RPS6KA4: variants seen among roughly 807,000 people sequenced by gnomAD.
RPS6KA4 encodes ribosomal protein S6 kinase alpha-4.
RPS6KA4 carries 38 observed loss-of-function variants against 89.6 expected under a neutral mutation model. The observed-to-expected ratio is 0.42, with a 90% CI of 0.33 to 0.56. The LOEUF (loss-of-function observed/expected upper bound fraction) is 0.56, where lower values mean the gene tolerates loss of function less well. Among genes scored for constraint, RPS6KA4 ranks in the 20% least tolerant of loss-of-function variants. The probability of loss-of-function intolerance (pLI) is 0.07; values close to 1 mark genes in which losing one functional copy is unlikely to be tolerated. For synonymous variants in RPS6KA4, 495 were observed against 492.8 expected (o/e 1.00, Z -0.06); for missense variants, 873 against 1,098.8 (o/e 0.79, Z 2.90).
At chr11:64,371,158 G>T in intron 16 of RPS6KA4, 125 bp from the exon 17 acceptor site, 1 of 814,284 alleles carries the variant, frequency 1.2e-6, no homozygotes, top group Non-Finnish European at 2.0e-6. Flanking sequence ...GGTCGGTCTG[G>T]AGGCCAAGGC....
intron 10 of RPS6KA4, 89 bp from the exon 11 acceptor site, chr11:64,368,379 C>T (rs1378329831): frequency 1.2e-5 from 18 of 1,543,424 alleles, no homozygotes; most frequent in South Asian, 7.1e-5. Flanking sequence ...TCCTAAGCCT[C>T]TCCGACATGG....
Position 64,368,547 on chromosome 11 carries a change from G to T in RPS6KA4, c.1280G>T (p.Arg427Leu). 2 of 1,592,078 alleles carry T rather than the reference G, an allele frequency of 1.3e-6. No homozygotes were observed. Among genetic ancestry groups the T allele is most frequent in the South Asian group, 2.3e-5 (2 of 87,732 alleles). The change falls in exon 11 of 17, where the codon CGC (arginine) becomes CTC (leucine). Residue 427 changes from arginine (R) to leucine (L), a missense_variant. Physicochemically the swap from Arg to Leu is moderately radical, Grantham distance 102 (BLOSUM62 -2). This residue lies in a region of RPS6KA4 where 542 missense variants were observed against 736.4 expected (regional missense o/e 0.74). Coordinates refer to ENST00000334205, the MANE Select transcript of RPS6KA4 (RefSeq NM_003942.3). ...LGQGSFSVCR[R>L]CRQRQSGQEF... ...CAGGGCAGCTTTTCTGTGTGTCGCC[G>T]CTGCCGCCAGCGCCAGAGCGGCCAG... is the stretch of plus-strand genomic sequence containing the variant.
chr11:64,367,697 T>C (rs2036920220), intron 9 of RPS6KA4, among the ~76,000 whole-genome samples: 1 of 152,234 alleles, frequency 6.6e-6, no homozygotes, highest in East Asian at 1.9e-4. Context: ...AACTCTGCCT[T>C]CTTTTTGCAT....
chr11:64,370,634 G>A lies in RPS6KA4; in HGVS notation c.2029G>A (p.Gly677Ser). ...GCGGGGCAGCTCGTGGCTGCAGGACGGCAGCGCGCGCTCCTCGCCCCCGCT... is the reference window on the plus strand; with the variant it reads ...GCGGGGCAGCTCGTGGCTGCAGGACAGCAGCGCGCGCTCCTCGCCCCCGCT... ...GLRGSSWLQDGSARSSPPLRT... is the reference protein window; with the variant it reads ...GLRGSSWLQDSSARSSPPLRT... The change falls in exon 16 of 17, where the codon GGC (glycine) becomes AGC (serine). Residue 677 changes from glycine to serine, a missense_variant. Coordinates refer to ENST00000334205, the MANE Select transcript of RPS6KA4 (RefSeq NM_003942.3). The surrounding 1 kb of genome is among the most constrained non-coding windows in gnomAD (Gnocchi z 4.1). 1.9e-6 allele frequency: 3 copies of A among 1,575,624 alleles called. No homozygotes were observed. Among genetic ancestry groups the A allele is most frequent in the Non-Finnish European group, 2.6e-6 (3 of 1,167,988 alleles).
At position 64,361,903 on chromosome 11, in the gene RPS6KA4, G is replaced by T. The variant is rs150496845; in HGVS notation, c.807G>T (p.Ala269=). 6.2e-7 allele frequency: 1 copy of T among 1,612,928 alleles called. No homozygotes were observed. The highest frequency in any genetic ancestry group is 2.2e-5 in the East Asian group (1 of 44,876). ...PPFPPRIGPV[A]QDLLQRLLCK... ...TCCCCCCTCGGATCGGGCCCGTGGCGCAGGACCTGCTGCAGCGGCTGCTTT... is the reference window on the plus strand; with the variant it reads ...TCCCCCCTCGGATCGGGCCCGTGGCTCAGGACCTGCTGCAGCGGCTGCTTT... The change falls in exon 8 of 17, where the codon GCG becomes GCT. Residue 269 remains alanine (A), a synonymous_variant. Transcript: ENST00000334205. The surrounding 1 kb of genome is among the most constrained non-coding windows in gnomAD (Gnocchi z 4.7).
chr11:64,369,408 G>A (rs1444541828), intron 12 of RPS6KA4, 38 bp from the exon 13 acceptor site: 1 of 1,537,070 alleles, frequency 6.5e-7, no homozygotes, highest in African/African-American at 1.4e-5. Flanking sequence ...TTGCCGCCGT[G>A]GGTGGGTGTT....
chr11:64,360,306 C>T lies in RPS6KA4; in HGVS notation c.271C>T (p.Leu91=), dbSNP rs2036708198. 1 of 1,548,730 alleles carries T rather than the reference C, an allele frequency of 6.5e-7. No homozygotes were observed. Among genetic ancestry groups the T allele is most frequent in the Non-Finnish European group, 8.7e-7 (1 of 1,146,592 alleles). ...HTRTERSVLE[L]VRQAPFLVTL... ...GCGCACCGAGCGCTCGGTGCTGGAG[C>T]TGGTGCGCCAGGCGCCCTTCCTGGT... The change falls in exon 3 of 17, where the codon CTG becomes TTG. Residue 91 remains leucine (L), a synonymous_variant. Transcript: ENST00000334205.
Position 64,370,737 on chromosome 11 carries a change from G to T in RPS6KA4, c.2121+11G>T. 6.5e-7 allele frequency: 1 copy of T among 1,529,488 alleles called. No individual in the cohort carries two copies. The allele number at this position is 1,529,488 out of a possible 1,614,324, so 94.7% of individuals were successfully genotyped here. On this transcript the variant is annotated intron_variant, in intron 16 of 16. Coordinates refer to ENST00000334205, the MANE Select transcript of RPS6KA4 (RefSeq NM_003942.3). This position sits in a 1 kb window ranked among gnomAD's most constrained non-coding sequence, Gnocchi z 4.1. Reference sequence around the variant, plus strand: ...AACGCCACCTTCATGGTAAGGGGCAGGGTCTGTTGAAGGGAAGGGGTGGGC... The same window carrying T: ...AACGCCACCTTCATGGTAAGGGGCATGGTCTGTTGAAGGGAAGGGGTGGGC...
rs1212358550 is a variant in RPS6KA4 at position 64,359,190 on chromosome 11, C to T, written c.-46C>T. 4 of 1,262,932 alleles carry T rather than the reference C, an allele frequency of 3.2e-6. No individual in the cohort carries two copies. Among genetic ancestry groups the T allele is most frequent in the Admixed American group, 8.4e-5 (2 of 23,764 alleles). 78.2% of individuals were successfully genotyped at this position (1,262,932 alleles called of 1,614,324 possible). A position where few individuals can be genotyped will look rare whatever the true frequency, so the allele number is the denominator to read the frequency against. Reference sequence around the variant, plus strand: ...CCGGCCGGAGCCGCCATGTAACCGGCGCCGCCCGGAGCCCGAGCCGCGCGG... The same window carrying T: ...CCGGCCGGAGCCGCCATGTAACCGGTGCCGCCCGGAGCCCGAGCCGCGCGG... On this transcript the variant is annotated 5_prime_UTR_variant, in exon 1 of 17. Transcript: ENST00000334205.
intron 8 of RPS6KA4, among the ~76,000 whole-genome samples, chr11:64,364,107 C>G (rs1302378456): frequency 3.3e-5 from 5 of 151,878 alleles, no homozygotes. Context: ...CTTCACAGTG[C>G]CACATTGTCT....
chr11:64,371,139 G>C, intron 16 of RPS6KA4, 144 bp from the exon 17 acceptor site: 4 of 592,076 alleles, frequency 6.8e-6, no homozygotes, highest in South Asian at 3.9e-5. Flanking sequence ...GAGGTGAACC[G>C]AATCCGGTGG....
At chr11:64,366,242 C>G (rs553358219) in intron 9 of RPS6KA4, among the ~76,000 whole-genome samples, 1 of 150,828 alleles carries the variant, frequency 6.6e-6, no homozygotes, top group Non-Finnish European at 1.5e-5. Context: ...TAGATCTTGG[C>G]TCACTGAAAT....
Position 64,370,254 on chromosome 11 carries a change from C to A in RPS6KA4, c.1827C>A (p.Phe609Leu). 1 of 1,573,672 alleles carries A rather than the reference C, an allele frequency of 6.4e-7. No individual in the cohort carries two copies. Among genetic ancestry groups the A allele is most frequent in the Non-Finnish European group, 8.6e-7 (1 of 1,167,390 alleles). The change falls in exon 15 of 17, where the codon TTC becomes TTA. Residue 609 changes from phenylalanine (F) to leucine (L), a missense_variant. Phe to Leu is a conservative substitution (Grantham distance 22, BLOSUM62 0). This residue lies in a region of RPS6KA4 where 278 missense variants were observed against 284.8 expected (regional missense o/e 0.98). Transcript: ENST00000334205. This position sits in a 1 kb window ranked among gnomAD's most constrained non-coding sequence, Gnocchi z 4.1. ...TGATGCTGTCGGGGCAGGTCCCCTTCCAGGGGGCCTCTGGCCAGGGCGGGC... is the reference window on the plus strand; with the variant it reads ...TGATGCTGTCGGGGCAGGTCCCCTTACAGGGGGCCTCTGGCCAGGGCGGGC... ...LYMMLSGQVP[F>L]QGASGQGGQS...
At chr11:64,366,446 G>A (rs2036888353) in intron 9 of RPS6KA4, among the ~76,000 whole-genome samples, 1 of 152,162 alleles carries the variant, frequency 6.6e-6, no homozygotes, top group Non-Finnish European at 1.5e-5. Context: ...TGGGATTAGA[G>A]GCATGAGCCA....
At chr11:64,368,335 T>G (rs2036941602) in intron 10 of RPS6KA4, 75 bp downstream of exon 10, 1 of 1,567,786 alleles carries the variant, frequency 6.4e-7, no homozygotes, top group Non-Finnish European at 8.6e-7. Context: ...TAGGCCTAGA[T>G]CCAACTGGCG....
rs763412883 is a variant in RPS6KA4, at chr11:64,370,539, C to T, written c.1958-24C>T. On this transcript the variant is annotated intron_variant, in intron 15 of 16. Transcript: ENST00000334205. This position sits in a 1 kb window ranked among gnomAD's most constrained non-coding sequence, Gnocchi z 4.1. ...TCAGCCTTTACGCCAGGCTCCTCCC[C>T]ACACTTCCTTGCCCCGCCTCCAGGG... is the stretch of plus-strand genomic sequence containing the variant. 398 of 1,589,832 alleles carry T rather than the reference C, an allele frequency of 2.5e-4. No individual in the cohort carries two copies. The highest frequency in any genetic ancestry group is 3.2e-4 in the Non-Finnish European group (378 of 1,172,596).
intron 10 of RPS6KA4, 82 bp from the exon 11 acceptor site, chr11:64,368,386 A>C: frequency 6.5e-7 from 1 of 1,542,526 alleles, no homozygotes. Flanking sequence ...CCTCTCCGAC[A>C]TGGGGCGTGG....
intron 4 of RPS6KA4, chr11:64,360,892 A>G: frequency 1.8e-6 from 1 of 567,178 alleles, no homozygotes; most frequent in Non-Finnish European, 3.1e-6. Context: ...GGCCTCCTTG[A>G]AATGGAGCTC....
intron 8 of RPS6KA4, among the ~76,000 whole-genome samples, chr11:64,362,726 A>G (rs1210562715): frequency 6.6e-6 from 1 of 152,208 alleles, no homozygotes; most frequent in African/African-American, 2.4e-5. Context: ...GCTGGAGTGC[A>G]GTGGCACGAT....
Sources: gnomAD v4.1 joint callset for allele counts (sites outside exome capture counted in the v4.1 genomes callset) on GRCh38, gnomAD v4.1.1 for gene constraint, gnomAD v4.1.1 regional missense constraint, Gnocchi (gnomAD v3.1) non-coding constraint, MANE v1.5 for transcripts, NCBI Gene and HGNC (gene_info 2026-07-23, HGNC 2026-07-21) for gene names.